The following NIPBL variants were observed in gnomAD, a reference collection of about 807,000 sequenced individuals.
NIPBL encodes the protein nipped-B-like protein.
In NIPBL, 19 loss-of-function variants were observed where a neutral mutation model predicts 321.8. That is an observed-to-expected ratio of 0.06 (90% confidence interval 0.04 to 0.09). The LOEUF is 0.09. Ranked by LOEUF, NIPBL falls within the 10% of genes least tolerant of loss-of-function variation. The pLI, the probability that NIPBL is intolerant of heterozygous loss-of-function variation, is 1.00. For synonymous variants in NIPBL, 1,106 were observed against 1,114.1 expected (o/e 0.99, Z 0.14); for missense variants, 2,210 against 3,327.0 (o/e 0.66, Z 8.26).
intron 9 of NIPBL, among the ~76,000 whole-genome samples, chr5:36,980,431 T>A (rs1744006373): frequency 6.6e-6 from 1 of 151,738 alleles, no homozygotes; most frequent in Non-Finnish European, 1.5e-5. Context: ...GGATTTATAG[T>A]CACGTATCAC....
chr5:36,893,934 A>G (rs1746534961), intron 1 of NIPBL, among the ~76,000 whole-genome samples: 1 of 152,230 alleles, frequency 6.6e-6, no homozygotes, highest in East Asian at 1.9e-4. Context: ...GCAGTACTTC[A>G]AGTAAAATTA....
chr5:36,886,605 A>G (rs995523237), intron 1 of NIPBL: 1 of 535,112 alleles, frequency 1.9e-6, no homozygotes, highest in Non-Finnish European at 3.4e-6. Flanking sequence ...GATGACTGAA[A>G]TTTTTTTAAT....
intron 9 of NIPBL, among the ~76,000 whole-genome samples, chr5:36,983,890 C>T (rs1744426824): frequency 1.3e-5 from 2 of 151,964 alleles, no homozygotes; most frequent in Admixed American, 6.6e-5. Context: ...AACATTATAA[C>T]TTTATATCGA....
In NIPBL at chr5:37,027,393, T is replaced by A. The variant is rs1085307579; in HGVS notation, c.5843T>A (p.Phe1948Tyr). The change falls in exon 32 of 47, where the codon TTT becomes TAT. Residue 1948 changes from phenylalanine to tyrosine, a missense_variant. Phe to Tyr is a conservative substitution (Grantham distance 22). Coordinates refer to ENST00000282516, the MANE Select transcript of NIPBL (RefSeq NM_133433.4). ...AACRDTGYDWFEQLLQNLLKS... is the reference protein window; with the variant it reads ...AACRDTGYDWYEQLLQNLLKS... ...TGCAGAGATACTGGATATGACTGGT[T>A]TGAGCAACTGCTTCAAAACGTGAGT... is the stretch of plus-strand genomic sequence containing the variant. 3.7e-6 allele frequency: 6 copies of A among 1,613,284 alleles called. No individual in the cohort carries two copies. Among genetic ancestry groups the A allele is most frequent in the Non-Finnish European group, 5.1e-6 (6 of 1,179,388 alleles).
chr5:37,026,796 G>T (rs904381794), intron 31 of NIPBL, among the ~76,000 whole-genome samples: 3 of 151,974 alleles, frequency 2.0e-5, no homozygotes, highest in African/African-American at 7.2e-5. Context: ...TCAGGAGTCT[G>T]AGACGGGGGA....
intron 1 of NIPBL, among the ~76,000 whole-genome samples, chr5:36,905,214 T>A (rs1211924753): frequency 3.3e-5 from 5 of 152,172 alleles, no homozygotes. Flanking sequence ...TAATAAGCAA[T>A]GAATTTGAAT....
At chr5:36,995,494 G>C (rs946216605) in intron 10 of NIPBL, 128 bp from the exon 11 acceptor site, 1 of 654,052 alleles carries the variant, frequency 1.5e-6, no homozygotes, top group Non-Finnish European at 2.6e-6. Context: ...TATTATAGTT[G>C]TGTTTTATTA....
chr5:36,973,371 A>G (rs1743087428), intron 8 of NIPBL, among the ~76,000 whole-genome samples: 1 of 149,444 alleles, frequency 6.7e-6, no homozygotes, highest in Non-Finnish European at 1.5e-5. Flanking sequence ...ATTTTACTTT[A>G]AGTTCTGGGA....
intron 1 of NIPBL, among the ~76,000 whole-genome samples, chr5:36,927,318 A>C (rs542892279): frequency 6.6e-6 from 1 of 152,330 alleles, no homozygotes; most frequent in East Asian, 1.9e-4. Context: ...TTTTTGGTTT[A>C]AAATGTTATT....
chr5:37,044,433 T>C lies in NIPBL; in HGVS notation c.6195T>C (p.Phe2065=). 1 of 1,614,072 alleles carries C rather than the reference T, an allele frequency of 6.2e-7. No homozygotes were observed. Among genetic ancestry groups the C allele is most frequent in the South Asian group, 1.1e-5 (1 of 91,086 alleles). ...TGATGGAGCATCCAAGTGAAACTTT[T>C]CTTGCCACTATTGAGGAAGATCTAA... The part of the protein sequence containing the change: ...VPLMEHPSET[F]LATIEEDLMK... The change falls in exon 35 of 47, where the codon TTT becomes TTC. Residue 2065 remains phenylalanine (F), a synonymous_variant. Transcript: ENST00000282516.
chr5:36,928,571 C>T (rs571173028), intron 1 of NIPBL, among the ~76,000 whole-genome samples: 14 of 152,132 alleles, frequency 9.2e-5, no homozygotes, highest in African/African-American at 2.6e-4. Context: ...AGGTATGATC[C>T]GCTTAATATA....
intron 8 of NIPBL, among the ~76,000 whole-genome samples, chr5:36,974,999 C>G (rs1369816831): frequency 6.6e-6 from 1 of 152,016 alleles, no homozygotes; most frequent in Non-Finnish European, 1.5e-5. Context: ...GGCTTATTAA[C>G]TAGGATAATT....
At chr5:37,003,383 A>G (rs575836764) in intron 16 of NIPBL, 36 bp downstream of exon 16, 27 of 1,276,364 alleles carry the variant, frequency 2.1e-5, no homozygotes, top group African/African-American at 1.6e-4. Flanking sequence ...TTTTACCCTT[A>G]ATGTTATTAA....
At chr5:36,977,153 A>G (rs993969891) in intron 9 of NIPBL, among the ~76,000 whole-genome samples, 2 of 152,082 alleles carry the variant, frequency 1.3e-5, no homozygotes, top group African/African-American at 4.8e-5. Flanking sequence ...CTGATGAATC[A>G]GTGATTCAAA....
At position 37,036,499 on chromosome 5, in the gene NIPBL, T is replaced by TAC; in HGVS notation, c.5971+13_5971+14insCA. On this transcript the variant is annotated intron_variant, in intron 33 of 46. Coordinates refer to ENST00000282516, the MANE Select transcript of NIPBL (RefSeq NM_133433.4). ...GGAATCTCTAGCTGGTAAGACATTT[T>TAC]ATATATATATTGATCTTTAGTTGAT... is the stretch of plus-strand genomic sequence containing the variant. 9.4e-7 allele frequency: 1 copy of TAC among 1,062,928 alleles called. No homozygotes were observed. The highest frequency in any genetic ancestry group is 1.3e-6 in the Non-Finnish European group (1 of 740,774). The allele number at this position is 1,062,928 out of a possible 1,614,324, so 65.8% of individuals were successfully genotyped here.
chr5:37,033,480 CAG>C (rs2149713761), intron 32 of NIPBL, among the ~76,000 whole-genome samples: 1 of 151,042 alleles, frequency 6.6e-6, no homozygotes, highest in Non-Finnish European at 1.5e-5. Context: ...TGCTATAAAA[CAG>C]AAGTGGCACT....
intron 44 of NIPBL, among the ~76,000 whole-genome samples, chr5:37,059,444 T>C (rs1457706302): frequency 6.6e-6 from 1 of 152,088 alleles, no homozygotes; most frequent in Non-Finnish European, 1.5e-5. Context: ...GAGGCGGAGA[T>C]TGCAGTGAGC....
intron 34 of NIPBL, among the ~76,000 whole-genome samples, chr5:37,040,340 T>C (rs574478340): frequency 2.2e-4 from 34 of 152,300 alleles, no homozygotes; most frequent in Middle Eastern, 6.8e-3. Context: ...ATTTTTGTTT[T>C]TATATCCTAT....
At chr5:36,905,521 C>A (rs1469301748) in intron 1 of NIPBL, among the ~76,000 whole-genome samples, 1 of 152,100 alleles carries the variant, frequency 6.6e-6, no homozygotes, top group Non-Finnish European at 1.5e-5. Flanking sequence ...CCTTGCACTT[C>A]TCCTTCCTGA....
Sources: gnomAD v4.1 joint callset for allele counts (sites outside exome capture counted in the v4.1 genomes callset) on GRCh38, gnomAD v4.1.1 for gene constraint, MANE v1.5 for transcripts, NCBI Gene and HGNC (gene_info 2026-07-23, HGNC 2026-07-21) for gene names.